The following DSG1 variants were observed in gnomAD, a reference collection of about 807,000 sequenced individuals.
DSG1 encodes the protein desmoglein-1.
A neutral mutation model predicts 97.5 loss-of-function variants in DSG1; 39 were observed. The ratio of observed to expected loss-of-function variants is 0.40; its 90% CI spans 0.31 to 0.52. The LOEUF (loss-of-function observed/expected upper bound fraction) is 0.52. Ranked by LOEUF, DSG1 falls within the 20% of genes least tolerant of loss-of-function variation. DSG1 has a pLI of 0.53. For missense variants in DSG1, 1,311 were observed against 1,295.4 expected (o/e 1.01, Z -0.18); for synonymous variants, 475 against 443.4 (o/e 1.07, Z -0.90).
chr18:31,339,945 C>G lies in DSG1; in HGVS notation c.1607C>G (p.Ala536Gly), dbSNP rs1260955505. ...TATTCTTCTGAACCCGGAAACGGAG[C>G]CAAAGATTTGTTATCAGACAATGTA... ...QVYSSEPGNG[A>G]KDLLSDNVHF... The change falls in exon 11 of 15, where the codon GCC (alanine) becomes GGC (glycine). Residue 536 changes from alanine (A) to glycine (G), a missense_variant. Around this residue, in one of 3 missense-constraint regions of DSG1, gnomAD observed 1,038 missense variants for 964.6 expected, o/e 1.08. Transcript: ENST00000257192. The G allele has an allele frequency of 6.2e-7, 1 of 1,613,962 alleles. No individual in the cohort carries two copies. The highest frequency in any genetic ancestry group is 1.1e-5 in the South Asian group (1 of 91,074).
At chr18:31,353,658 G>A (rs1488069552) in intron 14 of DSG1, among the ~76,000 whole-genome samples, 1 of 152,114 alleles carries the variant, frequency 6.6e-6, no homozygotes, top group Non-Finnish European at 1.5e-5. Flanking sequence ...CCAGGTGCAG[G>A]ATATAATCTC....
chr18:31,320,825 GC>G (rs1291901375), intron 1 of DSG1, among the ~76,000 whole-genome samples: 12 of 152,284 alleles, frequency 7.9e-5, no homozygotes, highest in African/African-American at 1.9e-4. Flanking sequence ...AAAAAGTACA[GC>G]ATGGTCACTG....
rs185409743 is a variant in DSG1 at position 31,356,873 on chromosome 18, A to G, written c.*1527A>G. 1 of 152,292 alleles carries G rather than the reference A, an allele frequency of 6.6e-6. No individual in the cohort carries two copies. The highest frequency in any genetic ancestry group is 1.9e-4 in the East Asian group (1 of 5,192). 9.4% of individuals were successfully genotyped at this position (152,292 alleles called of 1,614,324 possible). A position where few individuals can be genotyped will look rare whatever the true frequency, so the allele number is the denominator to read the frequency against. ...GTTTGCTATGTAGTATTACCCAATT[A>G]AAAATCTCTAAAAAGAATTAAAGCA... On this transcript the variant is annotated 3_prime_UTR_variant, in exon 15 of 15. Transcript: ENST00000257192.
At position 31,339,980 on chromosome 18, in the gene DSG1, C is replaced by G. The variant is rs749831695; in HGVS notation, c.1642C>G (p.Pro548Ala). Residue 548 changes from proline to alanine, a missense_variant, in exon 11 of 15, where the codon CCT becomes GCT. Pro to Ala is a conservative substitution (Grantham distance 27). Transcript: ENST00000257192. ...GTTATCAGACAATGTACATTTTGGT[C>G]CTGCTGGCATTGGACTCCTCATCAT... The part of the protein sequence containing the change: ...DLLSDNVHFG[P>A]AGIGLLIMGF... 4.3e-6 allele frequency: 7 copies of G among 1,614,020 alleles called. No homozygotes were observed. The highest frequency in any genetic ancestry group is 5.9e-6 in the Non-Finnish European group (7 of 1,179,992).
chr18:31,325,202 A>G (rs997892444), intron 1 of DSG1, among the ~76,000 whole-genome samples: 3 of 152,186 alleles, frequency 2.0e-5, no homozygotes, highest in African/African-American at 7.2e-5. Context: ...GTCTGACTGT[A>G]TGGTGAAAGC....
At position 31,358,084 on chromosome 18, in the gene DSG1, A is replaced by C. The variant is rs17715980; in HGVS notation, c.*2738A>C. Reference sequence around the variant, plus strand: ...TTTATAAGTGAATACTATAATTAGGATTCAAGCTGAGTTTCAGATCAACTT... The same window carrying C: ...TTTATAAGTGAATACTATAATTAGGCTTCAAGCTGAGTTTCAGATCAACTT... On this transcript the variant is annotated 3_prime_UTR_variant, in exon 15 of 15. Coordinates refer to ENST00000257192, the MANE Select transcript of DSG1 (RefSeq NM_001942.4). Among the ~76,000 whole-genome samples the C allele has an allele frequency of 0.12, 17,989 of 151,946 alleles. 1,073 individuals are homozygous for C. Among genetic ancestry groups the C allele is most frequent in the Middle Eastern group, 0.23 (65 of 288 alleles).
intron 1 of DSG1, among the ~76,000 whole-genome samples, chr18:31,325,296 G>C (rs959821278): frequency 6.6e-6 from 1 of 152,192 alleles, no homozygotes; most frequent in African/African-American, 2.4e-5. Flanking sequence ...TTAGTCATCT[G>C]CATAGCTTTC....
intron 4 of DSG1, 138 bp from the exon 5 acceptor site, chr18:31,329,754 C>A: frequency 1.9e-6 from 2 of 1,067,884 alleles, no homozygotes; most frequent in African/African-American, 3.1e-5. Context: ...CCCTTAGTGA[C>A]TGTAAGTAGG....
At chr18:31,336,954 G>A (rs939345702) in intron 9 of DSG1, among the ~76,000 whole-genome samples, 3 of 152,148 alleles carry the variant, frequency 2.0e-5, no homozygotes, top group Admixed American at 6.5e-5. Flanking sequence ...ATGATTTTCC[G>A]ATGGCAAATC....
Position 31,355,431 on chromosome 18 carries a change from G to A in DSG1, c.*85G>A, listed in dbSNP as rs1056650683. The A allele has an allele frequency of 2.9e-5, 40 of 1,362,500 alleles. No individual in the cohort carries two copies. In the Admixed American group the frequency reaches 3.4e-4, roughly 12 times the overall value. The allele number at this position is 1,362,500 out of a possible 1,614,324, so 84.4% of individuals were successfully genotyped here. On this transcript the variant is annotated 3_prime_UTR_variant, in exon 15 of 15. Coordinates refer to ENST00000257192, the MANE Select transcript of DSG1 (RefSeq NM_001942.4). ...AAAAACCAACAATGTGATTTATAAC[G>A]CACAACTTCGTGCTCAGGTCATCTA... is the stretch of plus-strand genomic sequence containing the variant.
rs757724113 is a variant in DSG1 at position 31,336,412 on chromosome 18, C to T, written c.1064C>T (p.Ala355Val). 2.5e-6 allele frequency: 4 copies of T among 1,613,794 alleles called. No homozygotes were observed. Among genetic ancestry groups the T allele is most frequent in the Non-Finnish European group, 3.4e-6 (4 of 1,179,776 alleles). ...LQLSIGVRNK[A>V]EFHHSIMSQY... ...CTCAGTATTGGTGTCAGAAATAAAGCTGAATTTCATCATTCAATTATGTCT... is the reference window on the plus strand; with the variant it reads ...CTCAGTATTGGTGTCAGAAATAAAGTTGAATTTCATCATTCAATTATGTCT... The change falls in exon 9 of 15, where the codon GCT becomes GTT. Residue 355 changes from alanine to valine, a missense_variant. This residue lies in a region of DSG1 where 1,038 missense variants were observed against 964.6 expected (regional missense o/e 1.08). Transcript: ENST00000257192.
In DSG1 at chr18:31,334,056, T is replaced by C. The variant is rs1158937290; in HGVS notation, c.859T>C (p.Leu287=). The C allele has an allele frequency of 5.0e-6, 8 of 1,610,654 alleles. No homozygotes were observed. The East Asian group carries it at 1.8e-4, about 36-fold the overall frequency. ...EIQENTLNSN[L]LEIRVIDLDE... is the part of the protein sequence containing the mutation. ...TCAAGAAAATACTCTAAATTCAAAT[T>C]TGCTCGAGATTAGAGTAATTGATTT... Residue 287 remains leucine, a synonymous_variant, in exon 8 of 15, where the codon TTG becomes CTG. Transcript: ENST00000257192.
Position 31,354,812 on chromosome 18 carries a change from C to A in DSG1, c.2616C>A (p.Ile872=), listed in dbSNP as rs2071939229. ...TGACAGAGAGAGTGGTCGGCCCAAT[C>A]TCTGGCGCTGATTTGCATGGAATGT... ...VVVTERVVGP[I]SGADLHGMLE... The change falls in exon 15 of 15, where the codon ATC becomes ATA. Residue 872 remains isoleucine, a synonymous_variant. Transcript: ENST00000257192. 1.2e-6 allele frequency: 2 copies of A among 1,614,162 alleles called. No individual in the cohort carries two copies. The highest frequency in any genetic ancestry group is 1.7e-6 in the Non-Finnish European group (2 of 1,180,032).
At chr18:31,322,592 C>G (rs906487722) in intron 1 of DSG1, among the ~76,000 whole-genome samples, 2 of 152,134 alleles carry the variant, frequency 1.3e-5, no homozygotes, top group Admixed American at 6.5e-5. Flanking sequence ...GACTGATACC[C>G]TTTGTCAGAG....
rs773601716 is a variant in DSG1, at chr18:31,326,581, G to A, written c.49G>A (p.Val17Met). ...AGTGTGATTATCTTATTTTTTACAGGTGGTGGTAGAAGTTAACAGTGAATT... is the reference window on the plus strand; with the variant it reads ...AGTGTGATTATCTTATTTTTTACAGATGGTGGTAGAAGTTAACAGTGAATT... ...RVVAMLFIFL[V>M]VVEVNSEFRI... The change falls in exon 2 of 15, where the codon GTG becomes ATG. Residue 17 changes from valine to methionine, a missense_variant and splice_region_variant. By Grantham distance (21) the Val-to-Met change is conservative. This residue lies in a region of DSG1 where 259 missense variants were observed against 304.1 expected (regional missense o/e 0.85). Transcript: ENST00000257192. 5.6e-6 allele frequency: 9 copies of A among 1,600,510 alleles called. No individual in the cohort carries two copies. The East Asian group carries it at 2.0e-4, about 36-fold the overall frequency.
rs2071942951 is a variant in DSG1, at chr18:31,355,059, G to A, written c.2863G>A (p.Val955Ile). Reference sequence around the variant, plus strand: ...CCACAATGTCATTGTGACAGAGAGGGTTGTTTCTGGTGCTGGCGTAACTGG... The same window carrying A: ...CCACAATGTCATTGTGACAGAGAGGATTGTTTCTGGTGCTGGCGTAACTGG... ...NAHNVIVTER[V>I]VSGAGVTGIS... The change falls in exon 15 of 15, where the codon GTT becomes ATT. Residue 955 changes from valine to isoleucine, a missense_variant. Physicochemically the swap from Val to Ile is conservative, Grantham distance 29 (BLOSUM62 3). Transcript: ENST00000257192. 1 of 1,614,086 alleles carries A rather than the reference G, an allele frequency of 6.2e-7. No individual in the cohort carries two copies. The highest frequency in any genetic ancestry group is 1.3e-5 in the African/African-American group (1 of 74,920).
rs1056062036 is a variant in DSG1, at chr18:31,346,162, T to C, written c.2064T>C (p.Gly688=). 1.2e-6 allele frequency: 2 copies of C among 1,612,734 alleles called. No individual in the cohort carries two copies. Among genetic ancestry groups the C allele is most frequent in the African/African-American group, 2.7e-5 (2 of 74,932 alleles). The stretch of plus-strand genomic sequence containing the variant: ...CTATGAGGGAATGTAGAGAAGGAGG[T>C]CTGAATATGAATTTCATGGAAAGCT... ...RNSMRECREG[G]LNMNFMESYF... The change falls in exon 14 of 15, where the codon GGT becomes GGC. Residue 688 remains glycine (G), a synonymous_variant. Coordinates refer to ENST00000257192, the MANE Select transcript of DSG1 (RefSeq NM_001942.4).
At chr18:31,353,894 C>T (rs548588033) in intron 14 of DSG1, 10 of 272,692 alleles carry the variant, frequency 3.7e-5, no homozygotes, top group East Asian at 1.0e-4. Context: ...GAGATGAACC[C>T]GGTACCTCAG....
rs762374311 is a variant in DSG1 at position 31,343,954 on chromosome 18, C to A, written c.1850C>A (p.Pro617Gln). The A allele has an allele frequency of 6.2e-7, 1 of 1,613,240 alleles. No individual in the cohort carries two copies. Among genetic ancestry groups the A allele is most frequent in the Admixed American group, 1.7e-5 (1 of 60,004 alleles). ...ATAACCACTGTCATACCACAAATAC[C>A]ACCTGATAACGCAAATATAATTGAA... ...RDITTVIPQI[P>Q]PDNANIIECI... Residue 617 changes from proline to glutamine, a missense_variant, in exon 13 of 15, where the codon CCA becomes CAA. Physicochemically the swap from Pro to Gln is moderately conservative, Grantham distance 76. Around this residue, in one of 3 missense-constraint regions of DSG1, gnomAD observed 1,038 missense variants for 964.6 expected, o/e 1.08. Transcript: ENST00000257192.
Sources: gnomAD v4.1 joint callset for allele counts (sites outside exome capture counted in the v4.1 genomes callset) on GRCh38, gnomAD v4.1.1 for gene constraint, gnomAD v4.1.1 regional missense constraint, MANE v1.5 for transcripts, NCBI Gene and HGNC (gene_info 2026-07-23, HGNC 2026-07-21) for gene names.